Variants in LSM14B observed in about 807,000 individuals in gnomAD.
LSM14B encodes the protein LSM family member 14B, also known as protein LSM14 homolog B.
In LSM14B, 8 loss-of-function variants were observed where a neutral mutation model predicts 42.1. That is an observed-to-expected ratio of 0.19 (90% CI 0.11 to 0.34). The LOEUF (loss-of-function observed/expected upper bound fraction) is 0.34. Ranked by LOEUF, LSM14B falls within the 10% of genes least tolerant of loss-of-function variation. LSM14B has a pLI of 1.00. For missense variants in LSM14B, 396 were observed against 513.1 expected, an observed-to-expected ratio of 0.77 and a Z score of 2.21; for synonymous variants, 219 against 209.7, an observed-to-expected ratio of 1.04 and a Z score of -0.38.
At chr20:62,123,020 A>C in intron 1 of LSM14B, 46 of 236,570 alleles carry the variant, frequency 1.9e-4, no homozygotes, top group Middle Eastern at 1.4e-3. Context: ...CGGCCGCACA[A>C]TGGTCTCCCT....
chr20:62,127,751 A>T, intron 3 of LSM14B: 1 of 1,265,720 alleles, frequency 7.9e-7, no homozygotes, highest in Non-Finnish European at 1.1e-6. Context: ...CCATTCTGAG[A>T]GCGAGGGGTA....
At chr20:62,125,385 G>A (rs1185708090) in intron 2 of LSM14B, among the ~76,000 whole-genome samples, 1 of 152,244 alleles carries the variant, frequency 6.6e-6, no homozygotes, top group Non-Finnish European at 1.5e-5. Context: ...GACCTGTGAT[G>A]TTTCGGGCAT....
At position 62,130,469 on chromosome 20, in the gene LSM14B, G is replaced by A; in HGVS notation, c.674-61G>A. ...GGGTGTGCCTGGAAATTCCTTGTGAGGTGTTTGAGATCACTGGGTTGGTGA... is the reference window on the plus strand; with the variant it reads ...GGGTGTGCCTGGAAATTCCTTGTGAAGTGTTTGAGATCACTGGGTTGGTGA... On this transcript the variant is annotated intron_variant, in intron 5 of 8. Transcript: ENST00000279068. The surrounding 1 kb of genome is among the most constrained non-coding windows in gnomAD (Gnocchi z 4.1). 1 of 1,588,550 alleles carries A rather than the reference G, an allele frequency of 6.3e-7. No homozygotes were observed. Among genetic ancestry groups the A allele is most frequent in the Non-Finnish European group, 8.6e-7 (1 of 1,165,740 alleles).
intron 2 of LSM14B, among the ~76,000 whole-genome samples, chr20:62,125,566 T>C (rs1394683761): frequency 1.3e-5 from 2 of 152,256 alleles, no homozygotes; most frequent in African/African-American, 4.8e-5. Context: ...TGCCTGCTTA[T>C]TGGGTTATGG....
In LSM14B at chr20:62,134,472, GAC is replaced by G; in HGVS notation, c.*325_*326del. 25 of 155,350 alleles carry G rather than the reference GAC, an allele frequency of 1.6e-4. No homozygotes were observed. Among genetic ancestry groups the G allele is most frequent in the South Asian group, 4.9e-4 (8 of 16,226 alleles). The allele number at this position is 155,350 out of a possible 1,614,324, so 9.6% of individuals were successfully genotyped here. A position where few individuals can be genotyped will look rare whatever the true frequency, so the allele number is the denominator to read the frequency against. ...AGTGAAAGCTGAATCCTTACTTTGT[GAC>G]TTTTTTTTTTTTTTTTAATGACAAG... On this transcript the variant is annotated 3_prime_UTR_variant, in exon 9 of 9. Coordinates refer to ENST00000279068, the MANE Select transcript of LSM14B (RefSeq NM_144703.3).
chr20:62,133,490 C>T lies in LSM14B; in HGVS notation c.*14+15C>T, dbSNP rs771054992. On this transcript the variant is annotated intron_variant, in intron 8 of 8. Coordinates refer to ENST00000279068, the MANE Select transcript of LSM14B (RefSeq NM_144703.3). ...TGCAGCCAAAGGTGAGTGGATGAAC[C>T]TTCTGGACGCTTTGGTGGGAGGGTG... 2 of 1,602,862 alleles carry T rather than the reference C, an allele frequency of 1.2e-6. No homozygotes were observed. The highest frequency in any genetic ancestry group is 1.1e-5 in the South Asian group (1 of 90,614).
chr20:62,134,106 G>A (rs748796057), intron 8 of LSM14B, 57 bp from the exon 9 acceptor site: 9 of 385,144 alleles, frequency 2.3e-5, no homozygotes, highest in Admixed American at 3.4e-5. Context: ...CTCGCCAGCA[G>A]GGGCAACAGT....
chr20:62,127,676 A>G (rs1426124631), intron 3 of LSM14B: 1 of 1,550,984 alleles, frequency 6.4e-7, no homozygotes, highest in Non-Finnish European at 8.7e-7. Context: ...ACTTGTCCTC[A>G]GAGCCACAGC....
At position 62,133,894 on chromosome 20, in the gene LSM14B, C is replaced by T. The variant is rs774231986; in HGVS notation, c.*15-269C>T. On this transcript the variant is annotated intron_variant, in intron 8 of 8. Transcript: ENST00000279068. ...TGGGCACCTTAGGGTTTGGGCGGAGCGTCCCACATGGGGTGCCTGGTGCCA... is the reference window on the plus strand; with the variant it reads ...TGGGCACCTTAGGGTTTGGGCGGAGTGTCCCACATGGGGTGCCTGGTGCCA... 4.6e-5 allele frequency among the ~76,000 whole-genome samples: 7 copies of T among 152,342 alleles called. No individual in the cohort carries two copies. The East Asian group carries it at 7.7e-4, about 17-fold the overall frequency.
Position 62,124,768 on chromosome 20 carries a change from C to T in LSM14B, c.279C>T (p.Pro93=), listed in dbSNP as rs376815121. The part of the protein sequence containing the change: ...PKAQHTLPQD[P]AIVQSSLGSA... ...CTCAGCACACACTCCCGCAGGATCC[C>T]GCCATTGTTCAGGTAAGTGTGCCAC... Residue 93 remains proline, a synonymous_variant, in exon 2 of 9, where the codon CCC becomes CCT. Coordinates refer to ENST00000279068, the MANE Select transcript of LSM14B (RefSeq NM_144703.3). The T allele has an allele frequency of 2.9e-5, 46 of 1,612,724 alleles. 1 individual carries two copies. Among genetic ancestry groups the T allele is most frequent in the South Asian group, 2.4e-4 (22 of 90,944 alleles).
chr20:62,126,090 G>A (rs2056591169), intron 2 of LSM14B: 1 of 646,090 alleles, frequency 1.5e-6, no homozygotes, highest in Non-Finnish European at 2.7e-6. Flanking sequence ...AACAAAAAAA[G>A]GAATTACATG....
Position 62,130,701 on chromosome 20 carries a change from AT to A in LSM14B, c.835+12del. ...AAACTGAATTTTAAAGGTTTGGCTCATTATATGAAAATTATTCTCTGCACAG... is the reference window on the plus strand; with the variant it reads ...AAACTGAATTTTAAAGGTTTGGCTCATATATGAAAATTATTCTCTGCACAG... On this transcript the variant is annotated intron_variant, in intron 6 of 8. Transcript: ENST00000279068. The surrounding 1 kb of genome is among the most constrained non-coding windows in gnomAD (Gnocchi z 4.1). 1.9e-6 allele frequency: 3 copies of A among 1,612,230 alleles called. No homozygotes were observed. The East Asian group carries it at 6.7e-5, about 36-fold the overall frequency.
intron 1 of LSM14B, chr20:62,123,029 C>T (rs1264857328): frequency 4.2e-6 from 1 of 236,058 alleles, no homozygotes; most frequent in Admixed American, 5.8e-5. Context: ...AATGGTCTCC[C>T]TGGGCTCCCA....
chr20:62,126,036 A>T (rs1227787714), intron 2 of LSM14B, among the ~76,000 whole-genome samples: 4 of 152,154 alleles, frequency 2.6e-5, no homozygotes, highest in Admixed American at 6.5e-5. Context: ...ACTCCAGCCC[A>T]GGCGACAGAG....
At position 62,122,861 on chromosome 20, in the gene LSM14B, C is replaced by G. The variant is rs1246680602; in HGVS notation, c.127+68C>G. 7.7e-7 allele frequency: 1 copy of G among 1,299,516 alleles called. No homozygotes were observed. Among genetic ancestry groups the G allele is most frequent in the African/African-American group, 1.6e-5 (1 of 63,480 alleles). 80.5% of individuals were successfully genotyped at this position (1,299,516 alleles called of 1,614,324 possible). On this transcript the variant is annotated intron_variant, in intron 1 of 8. Coordinates refer to ENST00000279068, the MANE Select transcript of LSM14B (RefSeq NM_144703.3). The surrounding 1 kb of genome is among the most constrained non-coding windows in gnomAD (Gnocchi z 4.6). Reference sequence around the variant, plus strand: ...CAACAGCCCCGGCCTGCGGTGCCCTCCCCGCCCCGGGGCGCCCCGGAGCCT... The same window carrying G: ...CAACAGCCCCGGCCTGCGGTGCCCTGCCCGCCCCGGGGCGCCCCGGAGCCT...
At chr20:62,127,422 G>A (rs2056638290) in intron 3 of LSM14B, among the ~76,000 whole-genome samples, 1 of 152,226 alleles carries the variant, frequency 6.6e-6, no homozygotes, top group African/African-American at 2.4e-5. Context: ...AGTGTGACAG[G>A]CGGCCTTCCC....
At chr20:62,123,728 G>A (rs2145588476) in intron 1 of LSM14B, among the ~76,000 whole-genome samples, 1 of 152,362 alleles carries the variant, frequency 6.6e-6, no homozygotes, top group Middle Eastern at 3.4e-3. Flanking sequence ...AGACGCGTCT[G>A]AAACGCTGCT....
rs1233575178 is a variant in LSM14B, at chr20:62,126,399, C to T, written c.387C>T (p.Ser129=). ...CGCCCTACGGCCCGCTGGCGGCCAG[C>T]TCCCTGCTCAGCCAGCAGTATGCCG... The part of the protein sequence containing the change: ...GMAPYGPLAA[S]SLLSQQYAAS... Residue 129 remains serine (S), a synonymous_variant, in exon 3 of 9, where the codon AGC becomes AGT. Transcript: ENST00000279068. 1.9e-6 allele frequency: 3 copies of T among 1,611,560 alleles called. No homozygotes were observed. In the Admixed American group the frequency reaches 5.0e-5, roughly 27 times the overall value.
chr20:62,130,131 C>T lies in LSM14B; in HGVS notation c.596-88C>T, dbSNP rs2056724134. ...TGCGGTGCCGCCCTGGCCGCGTGCC[C>T]CATGGTGGTGGGGCCTGCTTCCACA... On this transcript the variant is annotated intron_variant, in intron 4 of 8. Transcript: ENST00000279068. The surrounding 1 kb of genome is among the most constrained non-coding windows in gnomAD (Gnocchi z 4.1). The T allele has an allele frequency of 2.0e-6, 3 of 1,520,076 alleles. No homozygotes were observed. Among genetic ancestry groups the T allele is most frequent in the South Asian group, 2.4e-5 (2 of 82,592 alleles). The allele number at this position is 1,520,076 out of a possible 1,614,324, so 94.2% of individuals were successfully genotyped here.
Sources: gnomAD v4.1 joint callset for allele counts (sites outside exome capture counted in the v4.1 genomes callset) on GRCh38, gnomAD v4.1.1 for gene constraint, Gnocchi (gnomAD v3.1) non-coding constraint, MANE v1.5 for transcripts, NCBI Gene and HGNC (gene_info 2026-07-23, HGNC 2026-07-21) for gene names.